The following C12orf50 variants were observed in gnomAD, a reference collection of about 807,000 sequenced individuals.
C12orf50 encodes the protein uncharacterized protein C12orf50.
C12orf50 carries 35 observed loss-of-function variants against 61.6 expected under a neutral mutation model. The ratio of observed to expected loss-of-function variants is 0.57; its 90% CI spans 0.43 to 0.75. The LOEUF (loss-of-function observed/expected upper bound fraction) is 0.75. Among genes scored for constraint, C12orf50 ranks in the 30% least tolerant of loss-of-function variants. The probability of loss-of-function intolerance (pLI) is 0.00; values close to 1 mark genes in which losing one functional copy is unlikely to be tolerated. For missense variants in C12orf50, 475 were observed against 488.5 expected, an observed-to-expected ratio of 0.97 and a Z score of 0.26; for synonymous variants, 178 against 161.5, an observed-to-expected ratio of 1.10 and a Z score of -0.77.
chr12:87,991,069 G>C (rs1349330725), intron 7 of C12orf50, among the ~76,000 whole-genome samples: 1 of 151,988 alleles, frequency 6.6e-6, no homozygotes, highest in African/African-American at 2.4e-5. Context: ...TAGGGGTAAG[G>C]GTCTTGTCCG....
intron 7 of C12orf50, among the ~76,000 whole-genome samples, chr12:87,989,740 C>T (rs1455214538): frequency 6.6e-6 from 1 of 152,026 alleles, no homozygotes; most frequent in African/African-American, 2.4e-5. Flanking sequence ...TCCCCAAGAA[C>T]TTCTATTTTC....
chr12:88,007,405 A>G (rs1386218038), intron 3 of C12orf50, among the ~76,000 whole-genome samples: 2 of 152,242 alleles, frequency 1.3e-5, no homozygotes, highest in Admixed American at 1.3e-4. Flanking sequence ...CTGTAACAAA[A>G]TATCTGGGTA....
intron 3 of C12orf50, among the ~76,000 whole-genome samples, chr12:88,015,823 T>C (rs2032292872): frequency 6.6e-6 from 1 of 152,184 alleles, no homozygotes; most frequent in African/African-American, 2.4e-5. Context: ...CCATGGTTTA[T>C]AAACATGTAA....
At chr12:87,991,563 A>G (rs970298868) in intron 7 of C12orf50, among the ~76,000 whole-genome samples, 3 of 152,194 alleles carry the variant, frequency 2.0e-5, no homozygotes, top group Admixed American at 2.0e-4. Flanking sequence ...ATAAGAAAAA[A>G]ATATTTTAAA....
intron 3 of C12orf50, among the ~76,000 whole-genome samples, chr12:88,010,448 A>G (rs113628159): frequency 1.6e-5 from 2 of 127,466 alleles, no homozygotes; most frequent in Non-Finnish European, 3.0e-5. Context: ...TAATAAGATT[A>G]TAAGATTAAA....
intron 3 of C12orf50, among the ~76,000 whole-genome samples, chr12:87,999,778 A>C (rs923420442): frequency 6.6e-6 from 1 of 152,142 alleles, no homozygotes; most frequent in Non-Finnish European, 1.5e-5. Flanking sequence ...AAACAACCTA[A>C]ATTTCCATTG....
rs1250918342 is a variant in C12orf50 at position 87,985,872 on chromosome 12, T to C, written c.1104A>G (p.Glu368=). 1 of 1,612,982 alleles carries C rather than the reference T, an allele frequency of 6.2e-7. No individual in the cohort carries two copies. Among genetic ancestry groups the C allele is most frequent in the South Asian group, 1.1e-5 (1 of 91,040 alleles). Residue 368 remains glutamate (E), a synonymous_variant, in exon 11 of 13, where the codon GAA becomes GAG. Transcript: ENST00000298699. ...CACCTGGACTGAGGTTGGGTTTGGG[T>C]TCCCTGTTAGCATGGACTTTATTGT... is the stretch of plus-strand genomic sequence containing the variant. The part of the protein sequence containing the change: ...GSYNKVHANR[E]PKPNLSPDKY...
intron 8 of C12orf50, 93 bp downstream of exon 8, chr12:87,989,171 A>G: frequency 1.2e-6 from 1 of 837,908 alleles, no homozygotes; most frequent in East Asian, 2.7e-5. Flanking sequence ...TTGATTTATT[A>G]CCATTCCTCT....
intron 3 of C12orf50, among the ~76,000 whole-genome samples, chr12:88,012,358 T>A (rs2032143506): frequency 6.6e-6 from 1 of 152,182 alleles, no homozygotes; most frequent in Non-Finnish European, 1.5e-5. Flanking sequence ...AGAACACACA[T>A]GCAGTACAAA....
intron 4 of C12orf50, 79 bp from the exon 5 acceptor site, chr12:87,996,725 C>T (rs1023400384): frequency 2.0e-6 from 2 of 1,011,984 alleles, no homozygotes; most frequent in African/African-American, 1.6e-5. Context: ...AAGGAAAACC[C>T]CAAATACTGT....
intron 3 of C12orf50, among the ~76,000 whole-genome samples, chr12:88,014,157 A>G (rs903153951): frequency 2.0e-5 from 3 of 152,218 alleles, no homozygotes; most frequent in Non-Finnish European, 4.4e-5. Context: ...TCTATGGGGT[A>G]GAGTGGAATA....
chr12:88,015,063 A>G (rs930507287), intron 3 of C12orf50, among the ~76,000 whole-genome samples: 3 of 152,066 alleles, frequency 2.0e-5, no homozygotes, highest in African/African-American at 7.2e-5. Flanking sequence ...GTCAGGATAA[A>G]GAATCTGCCA....
chr12:88,026,405 T>G, intron 3 of C12orf50, 83 bp downstream of exon 3: 8 of 1,471,004 alleles, frequency 5.4e-6, no homozygotes, highest in Non-Finnish European at 7.3e-6. Context: ...CTTGTCATAC[T>G]TTTTAAATGT....
chr12:87,994,031 C>G (rs2031260402), intron 7 of C12orf50, among the ~76,000 whole-genome samples: 1 of 151,920 alleles, frequency 6.6e-6, no homozygotes, highest in Non-Finnish European at 1.5e-5. Flanking sequence ...GAAACCCCGT[C>G]TCTACTAAAA....
chr12:88,003,936 T>A (rs1457502272), intron 3 of C12orf50, among the ~76,000 whole-genome samples: 47 of 150,318 alleles, frequency 3.1e-4, no homozygotes. Flanking sequence ...TTTGTTCATC[T>A]TTTTTTTCAT....
chr12:88,009,635 T>C (rs1249847374), intron 3 of C12orf50, among the ~76,000 whole-genome samples: 1 of 152,034 alleles, frequency 6.6e-6, no homozygotes, highest in Non-Finnish European at 1.5e-5. Flanking sequence ...ATACATAAGA[T>C]AGGTTCCAAC....
chr12:87,994,246 A>G (rs1192599633), intron 7 of C12orf50, among the ~76,000 whole-genome samples: 10 of 152,126 alleles, frequency 6.6e-5, no homozygotes, highest in South Asian at 2.1e-4. Flanking sequence ...AATAAAAAGT[A>G]GACTTAATCA....
intron 3 of C12orf50, among the ~76,000 whole-genome samples, chr12:88,009,195 T>C (rs1035836618): frequency 1.3e-5 from 2 of 152,118 alleles, no homozygotes; most frequent in African/African-American, 4.8e-5. Context: ...TCCTAAGTTA[T>C]GCATAATTTT....
At chr12:87,994,074 C>T (rs2031264047) in intron 7 of C12orf50, among the ~76,000 whole-genome samples, 1 of 151,856 alleles carries the variant, frequency 6.6e-6, no homozygotes, top group Non-Finnish European at 1.5e-5. Context: ...GTGGCACGCA[C>T]CTGTAGTGCC....
Sources: gnomAD v4.1 joint callset for allele counts (sites outside exome capture counted in the v4.1 genomes callset) on GRCh38, gnomAD v4.1.1 for gene constraint, MANE v1.5 for transcripts, NCBI Gene and HGNC (gene_info 2026-07-23, HGNC 2026-07-21) for gene names.